Variants in SAMM50 observed in about 807,000 individuals in gnomAD.
SAMM50 encodes SAMM50 sorting and assembly machinery component, also known as sorting and assembly machinery component 50 homolog.
SAMM50 carries 47 observed loss-of-function variants against 66.9 expected under a neutral mutation model. The ratio of observed to expected loss-of-function variants is 0.70; its 90% CI spans 0.56 to 0.90. SAMM50 has a LOEUF of 0.90. Ranked by LOEUF, SAMM50 falls within the 40% of genes least tolerant of loss-of-function variation. SAMM50 has a pLI of 0.00. For synonymous variants in SAMM50, 191 were observed against 214.1 expected (o/e 0.89, Z 0.94); for missense variants, 535 against 595.3 (o/e 0.90, Z 1.05).
At chr22:43,967,760 A>C (rs2050180914) in intron 3 of SAMM50, among the ~76,000 whole-genome samples, 1 of 152,034 alleles carries the variant, frequency 6.6e-6, no homozygotes, top group Non-Finnish European at 1.5e-5. Flanking sequence ...GTGGAATCTC[A>C]ACTTTCCTTA....
At chr22:43,976,655 A>T in intron 8 of SAMM50, 95 bp from the exon 9 acceptor site, 1 of 830,266 alleles carries the variant, frequency 1.2e-6, no homozygotes, top group Non-Finnish European at 2.1e-6. Context: ...ATAGTTGTAG[A>T]GTGCTAGCGT....
intron 1 of SAMM50, among the ~76,000 whole-genome samples, chr22:43,960,703 T>C (rs184711366): frequency 1.0e-3 from 159 of 152,156 alleles, no homozygotes; most frequent in African/African-American, 3.7e-3. Context: ...CACTCAAGCC[T>C]GGGCCACAGA....
At chr22:43,982,774 T>G (rs985982261) in intron 11 of SAMM50, among the ~76,000 whole-genome samples, 2 of 152,224 alleles carry the variant, frequency 1.3e-5, no homozygotes, top group Non-Finnish European at 2.9e-5. Flanking sequence ...TAGCTGGGAC[T>G]ACAGGCACCC....
At chr22:43,979,666 C>T (rs1490224721) in intron 10 of SAMM50, among the ~76,000 whole-genome samples, 1 of 151,996 alleles carries the variant, frequency 6.6e-6, no homozygotes, top group East Asian at 1.9e-4. Flanking sequence ...TTCCCCTTCT[C>T]CACACTGCAG....
intron 1 of SAMM50, 112 bp from the exon 2 acceptor site, chr22:43,963,174 A>C: frequency 1.6e-6 from 1 of 643,500 alleles, no homozygotes; most frequent in African/African-American, 1.8e-5. Context: ...CCTCTACTTG[A>C]AGGGAACAAC....
At chr22:43,965,818 A>G (rs2050170328) in intron 3 of SAMM50, among the ~76,000 whole-genome samples, 1 of 151,798 alleles carries the variant, frequency 6.6e-6, no homozygotes, top group African/African-American at 2.4e-5. Flanking sequence ...CGTTGTACAC[A>G]CTTTCTAACT....
chr22:43,964,445 CT>C lies in SAMM50; in HGVS notation c.133-3del. On this transcript the variant is annotated splice_region_variant and splice_polypyrimidine_tract_variant and intron_variant, in intron 2 of 14. Coordinates refer to ENST00000350028, the MANE Select transcript of SAMM50 (RefSeq NM_015380.5). ...CATCCCTAATACTGTCCCTGTGTGA[CT>C]TTTAGGTGGTTGTTCAACATGTTCA... 6.5e-7 allele frequency: 1 copy of C among 1,544,846 alleles called. No homozygotes were observed. The highest frequency in any genetic ancestry group is 9.0e-7 in the Non-Finnish European group (1 of 1,117,272).
intron 14 of SAMM50, among the ~76,000 whole-genome samples, chr22:43,993,724 C>T (rs930934001): frequency 5.3e-5 from 8 of 152,124 alleles, no homozygotes; most frequent in African/African-American, 1.9e-4. Flanking sequence ...ATTGGAATTT[C>T]GTGAAGTTGG....
Position 43,983,788 on chromosome 22 carries a change from C to A in SAMM50, c.1008-145C>A. The A allele has an allele frequency of 1.7e-6, 1 of 600,246 alleles. No homozygotes were observed. 37.2% of individuals were successfully genotyped at this position (600,246 alleles called of 1,614,324 possible). A position where few individuals can be genotyped will look rare whatever the true frequency, so the allele number is the denominator to read the frequency against. On this transcript the variant is annotated intron_variant, in intron 11 of 14. Transcript: ENST00000350028. This position sits in a 1 kb window ranked among gnomAD's most constrained non-coding sequence, Gnocchi z 4.2. Reference sequence around the variant, plus strand: ...CCCCTGTAGTGTGCACCCTCTTGGTCTTTCTCAAAGGTTTTGCCTTGTAAA... The same window carrying A: ...CCCCTGTAGTGTGCACCCTCTTGGTATTTCTCAAAGGTTTTGCCTTGTAAA...
intron 3 of SAMM50, 132 bp downstream of exon 3, chr22:43,964,685 C>G: frequency 1.8e-6 from 1 of 557,120 alleles, no homozygotes; most frequent in Non-Finnish European, 3.3e-6. Context: ...CCACAGGGAG[C>G]CTTGGCACCC....
At chr22:43,960,811 G>A (rs920570438) in intron 1 of SAMM50, among the ~76,000 whole-genome samples, 4 of 152,192 alleles carry the variant, frequency 2.6e-5, no homozygotes, top group South Asian at 2.1e-4. Flanking sequence ...GAGAGGAACC[G>A]ATTCTCCCTA....
chr22:43,957,054 A>AT, intron 1 of SAMM50: 7 of 1,023,598 alleles, frequency 6.8e-6, no homozygotes, highest in South Asian at 6.4e-5. Flanking sequence ...GTCCAAGGCC[A>AT]TTTTTGCTGG....
chr22:43,965,090 A>G (rs1569025588), intron 3 of SAMM50, among the ~76,000 whole-genome samples: 1 of 151,156 alleles, frequency 6.6e-6, no homozygotes, highest in Non-Finnish European at 1.5e-5. Flanking sequence ...GTCACCAGCA[A>G]CTTCTTTGTG....
chr22:43,957,162 T>C (rs1388361609), intron 1 of SAMM50: 14 of 758,158 alleles, frequency 1.8e-5, no homozygotes, highest in Non-Finnish European at 3.2e-5. Context: ...TTTGGGCTCA[T>C]GTATACAAAG....
intron 11 of SAMM50, 59 bp downstream of exon 11, chr22:43,981,520 T>A: frequency 1.6e-6 from 2 of 1,217,202 alleles, no homozygotes; most frequent in Non-Finnish European, 2.4e-6. Flanking sequence ...TCTTTTCAGT[T>A]GTTTTTTATA....
At chr22:43,958,476 C>CTTTT (rs3083316) in intron 1 of SAMM50, among the ~76,000 whole-genome samples, 3,609 of 112,410 alleles carry the variant, frequency 0.032, 181 homozygotes, top group African/African-American at 0.059. Flanking sequence ...TTATGGAGCT[C>CTTTT]TTTTTTTTTT....
chr22:43,990,180 G>C (rs994362109), intron 13 of SAMM50, 85 bp from the exon 14 acceptor site: 57 of 1,532,400 alleles, frequency 3.7e-5, no homozygotes, highest in Non-Finnish European at 5.1e-5. Flanking sequence ...GGCCCAGCCA[G>C]GGGGAGCCAG....
chr22:43,990,089 A>T (rs1426076001), intron 13 of SAMM50, among the ~76,000 whole-genome samples, 176 bp from the exon 14 acceptor site: 1 of 152,234 alleles, frequency 6.6e-6, no homozygotes, highest in Non-Finnish European at 1.5e-5. Flanking sequence ...GTGTGGCTCC[A>T]AGTCCTCTCT....
intron 3 of SAMM50, among the ~76,000 whole-genome samples, chr22:43,966,621 G>T (rs184838925): frequency 2.0e-5 from 3 of 152,276 alleles, no homozygotes; most frequent in East Asian, 3.9e-4. Flanking sequence ...CTGCCAGAGT[G>T]CTGGGATTAC....
Sources: allele counts gnomAD v4.1 joint callset (sites outside exome capture counted in the v4.1 genomes callset), GRCh38; gene constraint gnomAD v4.1.1; non-coding constraint Gnocchi (gnomAD v3.1); transcripts MANE v1.5; gene names NCBI Gene and HGNC (gene_info 2026-07-23, HGNC 2026-07-21).